Variants in TENM2 observed in about 807,000 individuals in gnomAD.
TENM2 encodes teneurin-2.
A neutral mutation model predicts 245.2 loss-of-function variants in TENM2; 52 were observed. The ratio of observed to expected loss-of-function variants is 0.21; its 90% CI spans 0.17 to 0.27. TENM2 has a LOEUF of 0.27. Among genes scored for constraint, TENM2 ranks in the 10% least tolerant of loss-of-function variants. TENM2 has a pLI of 1.00. For missense variants in TENM2, 3,046 were observed against 3,666.8 expected (o/e 0.83, Z 4.37); for synonymous variants, 1,363 against 1,438.9 (o/e 0.95, Z 1.19).
At chr5:167,073,209 G>T in the TENM2 span, among the ~76,000 whole-genome samples, 1 of 152,066 alleles carries the variant, frequency 6.6e-6, no homozygotes, top group Admixed American at 6.6e-5. Context: ...ATGCTCATTT[G>T]GATCTTACCT....
chr5:167,422,981 TG>T (rs2127426965), intron 2 of TENM2, among the ~76,000 whole-genome samples: 1 of 152,306 alleles, frequency 6.6e-6, no homozygotes, highest in South Asian at 2.1e-4. Flanking sequence ...GTTTTGTCCA[TG>T]TTGTGCAGCG....
Position 168,244,716 on chromosome 5 carries a change from G to C in TENM2, c.5817G>C (p.Lys1939Asn). ...TGTGGAGCTACTCCTACCTTGACAA[G>C]GTAGGTGAACATGCTGCCCTGACAG... Residue 1939 changes from lysine to asparagine, a missense_variant and splice_region_variant, in exon 26 of 29, where the codon AAG becomes AAC. Coordinates refer to ENST00000518659, the Ensembl canonical transcript of TENM2. This position sits in a 1 kb window ranked among gnomAD's most constrained non-coding sequence, Gnocchi z 4.9. The C allele has an allele frequency of 1.4e-6, 2 of 1,439,394 alleles. No individual in the cohort carries two copies. The highest frequency in any genetic ancestry group is 1.8e-6 in the Non-Finnish European group (2 of 1,086,422). The allele number at this position is 1,439,394 out of a possible 1,614,324, so 89.2% of individuals were successfully genotyped here.
At chr5:167,449,270 C>T (rs546043039) in intron 2 of TENM2, among the ~76,000 whole-genome samples, 83 of 152,254 alleles carry the variant, frequency 5.5e-4, no homozygotes, top group Admixed American at 1.0e-3. Flanking sequence ...AATTAATAAG[C>T]AGATCTTACC....
At chr5:167,475,342 C>T (rs1767303318) in intron 2 of TENM2, among the ~76,000 whole-genome samples, 1 of 151,812 alleles carries the variant, frequency 6.6e-6, no homozygotes, top group Admixed American at 6.6e-5. Flanking sequence ...TACATTATAC[C>T]TGCCAATATT....
chr5:167,712,838 G>A (rs1758999042), intron 2 of TENM2, among the ~76,000 whole-genome samples: 1 of 152,140 alleles, frequency 6.6e-6, no homozygotes, highest in African/African-American at 2.4e-5. Context: ...CTAAAATGCA[G>A]TATATTTCTT....
chr5:167,111,861 C>T, the TENM2 span, among the ~76,000 whole-genome samples: 15 of 152,198 alleles, frequency 9.9e-5, no homozygotes, highest in East Asian at 1.9e-4. Flanking sequence ...GTTTTCATTC[C>T]GTCCTATTAT....
At chr5:167,661,577 T>C (rs995076073) in intron 2 of TENM2, among the ~76,000 whole-genome samples, 2 of 152,230 alleles carry the variant, frequency 1.3e-5, no homozygotes, top group Non-Finnish European at 2.9e-5. Context: ...TCACAAACTA[T>C]ACATCTTATT....
the TENM2 span, among the ~76,000 whole-genome samples, chr5:166,985,695 T>C: frequency 9.9e-5 from 15 of 152,136 alleles, no homozygotes; most frequent in African/African-American, 3.6e-4. Flanking sequence ...AATTTACATG[T>C]GGCCACAGAG....
At chr5:168,236,982 A>T (rs1367864802) in intron 25 of TENM2, among the ~76,000 whole-genome samples, 5 of 3,810 alleles carry the variant, frequency 1.3e-3, no homozygotes, top group Non-Finnish European at 1.4e-3. Context: ...ATATATATAT[A>T]TATATATATA....
At chr5:167,950,699 C>A (rs1368267210) in intron 3 of TENM2, among the ~76,000 whole-genome samples, 2 of 152,246 alleles carry the variant, frequency 1.3e-5, no homozygotes, top group South Asian at 2.1e-4. Flanking sequence ...ATTATTACAT[C>A]ATTTCACCCC....
the TENM2 span, among the ~76,000 whole-genome samples, chr5:167,073,548 CT>C: frequency 6.6e-6 from 1 of 152,092 alleles, no homozygotes; most frequent in African/African-American, 2.4e-5. Flanking sequence ...GCTATTGTCT[CT>C]CCCCCTCCCA....
intron 2 of TENM2, among the ~76,000 whole-genome samples, chr5:167,714,221 G>A (rs193040808): frequency 6.6e-6 from 1 of 152,246 alleles, no homozygotes; most frequent in African/African-American, 2.4e-5. Flanking sequence ...TGTTGTGAAG[G>A]GATCTTGATT....
intron 2 of TENM2, chr5:167,754,880 C>T (rs1158364888): frequency 2.2e-5 from 17 of 760,700 alleles, no homozygotes; most frequent in Non-Finnish European, 3.2e-5. Flanking sequence ...CATGCTGAGG[C>T]TGTCTACAGG....
intron 3 of TENM2, among the ~76,000 whole-genome samples, chr5:167,943,242 G>A (rs565207489): frequency 6.6e-6 from 1 of 152,266 alleles, no homozygotes; most frequent in South Asian, 2.1e-4. Flanking sequence ...CCATTTAACT[G>A]GTATGCTTCG....
At chr5:167,357,309 T>TTG (rs1759404479) in intron 1 of TENM2, among the ~76,000 whole-genome samples, 2 of 151,292 alleles carry the variant, frequency 1.3e-5, no homozygotes, top group Admixed American at 1.3e-4. Flanking sequence ...TCTTTTTTTT[T>TTG]TTTTTTCTTG....
chr5:167,486,714 G>GTA (rs1768097529), intron 2 of TENM2, among the ~76,000 whole-genome samples: 1 of 152,146 alleles, frequency 6.6e-6, no homozygotes, highest in South Asian at 2.1e-4. Context: ...ATAATGCAAT[G>GTA]TAATGATTTT....
At chr5:167,171,676 A>T in the TENM2 span, among the ~76,000 whole-genome samples, 1 of 152,226 alleles carries the variant, frequency 6.6e-6, no homozygotes, top group African/African-American at 2.4e-5. Flanking sequence ...GCTGGGGAAG[A>T]GCACAGCCAC....
intron 2 of TENM2, among the ~76,000 whole-genome samples, chr5:167,740,052 G>A (rs953585693): frequency 6.6e-6 from 1 of 152,162 alleles, no homozygotes; most frequent in Non-Finnish European, 1.5e-5. Flanking sequence ...TTAGTGAGTG[G>A]TGCTGGTCTA....
chr5:167,854,739 G>C (rs1368874297), intron 2 of TENM2, among the ~76,000 whole-genome samples: 1 of 152,160 alleles, frequency 6.6e-6, no homozygotes, highest in African/African-American at 2.4e-5. Context: ...AAATGCGGTA[G>C]GAAGGATGCC....
Sources: gnomAD v4.1 joint callset for allele counts (sites outside exome capture counted in the v4.1 genomes callset) on GRCh38, gnomAD v4.1.1 for gene constraint, Gnocchi (gnomAD v3.1) non-coding constraint, MANE v1.5 for transcripts, NCBI Gene and HGNC (gene_info 2026-07-23, HGNC 2026-07-21) for gene names.